Variants in USP4 observed in about 807,000 individuals in gnomAD.
USP4 encodes the protein ubiquitin carboxyl-terminal hydrolase 4.
Under a neutral mutation model 118.2 loss-of-function variants are expected in USP4, and 72 were observed. The observed-to-expected ratio is 0.61, with a 90% CI of 0.50 to 0.74. The LOEUF (loss-of-function observed/expected upper bound fraction) is 0.74. USP4 is among the 30% of genes least tolerant of loss of function. The pLI is 0.00. For missense variants in USP4, 1,037 were observed against 1,185.7 expected, an observed-to-expected ratio of 0.87 and a Z score of 1.84; for synonymous variants, 415 against 440.4, an observed-to-expected ratio of 0.94 and a Z score of 0.72.
intron 9 of USP4, among the ~76,000 whole-genome samples, chr3:49,303,244 C>T (rs1423291687): frequency 6.6e-6 from 1 of 151,918 alleles, no homozygotes; most frequent in South Asian, 2.1e-4. Context: ...AGTTCAAGAC[C>T]AGCCTGGCCA....
chr3:49,304,876 G>A (rs1346695935), intron 9 of USP4, among the ~76,000 whole-genome samples: 1 of 151,092 alleles, frequency 6.6e-6, no homozygotes, highest in East Asian at 2.0e-4. Context: ...CAATTCTCCT[G>A]CCTCAGCATC....
intron 1 of USP4, among the ~76,000 whole-genome samples, chr3:49,336,296 C>G (rs1575625264): frequency 6.7e-6 from 1 of 150,296 alleles, no homozygotes; most frequent in Non-Finnish European, 1.5e-5. Context: ...CTCAGCCTCC[C>G]AAGTAGCTGG....
chr3:49,287,895 A>C (rs2047113938), intron 15 of USP4, among the ~76,000 whole-genome samples: 1 of 152,212 alleles, frequency 6.6e-6, no homozygotes, highest in Non-Finnish European at 1.5e-5. Context: ...GCTAGGTTCC[A>C]GGGCTCCATA....
In USP4 at chr3:49,297,971, A is replaced by G. The variant is rs2047226713; in HGVS notation, c.1597-7T>C. ...ACACATCTGCGACCACCATCTAAGA[A>G]TGAACAGTAACAGAAAGACCACAGA... On this transcript the variant is annotated splice_polypyrimidine_tract_variant and splice_region_variant and intron_variant, in intron 12 of 21. Coordinates refer to ENST00000265560, the MANE Select transcript of USP4 (RefSeq NM_003363.4). The G allele has an allele frequency of 2.5e-6, 4 of 1,599,224 alleles. No individual in the cohort carries two copies. The highest frequency in any genetic ancestry group is 3.3e-4 in the Middle Eastern group (2 of 6,060).
chr3:49,334,590 C>G (rs916316103), intron 2 of USP4, among the ~76,000 whole-genome samples: 5 of 152,096 alleles, frequency 3.3e-5, no homozygotes, highest in Admixed American at 6.6e-5. Context: ...TACCAAAAAA[C>G]TTAAAAAACA....
intron 13 of USP4, among the ~76,000 whole-genome samples, chr3:49,296,965 G>A (rs1008943575): frequency 5.9e-5 from 9 of 152,236 alleles, no homozygotes; most frequent in African/African-American, 1.9e-4. Context: ...GTCTGTGCAA[G>A]TGAGAACAGA....
chr3:49,324,008 G>GT (rs922348294), intron 6 of USP4, among the ~76,000 whole-genome samples: 11 of 150,846 alleles, frequency 7.3e-5, no homozygotes, highest in South Asian at 6.3e-4. Flanking sequence ...TTTTGTTTTT[G>GT]TTTTTTTTGG....
chr3:49,333,550 G>A (rs988485102), intron 2 of USP4, among the ~76,000 whole-genome samples: 1 of 152,162 alleles, frequency 6.6e-6, no homozygotes, highest in African/African-American at 2.4e-5. Flanking sequence ...TTTAGAAGAC[G>A]TTGTTAGGGT....
chr3:49,314,423 G>A (rs1174073409), intron 6 of USP4, among the ~76,000 whole-genome samples: 1 of 152,192 alleles, frequency 6.6e-6, no homozygotes, highest in Non-Finnish European at 1.5e-5. Flanking sequence ...TCAAGCAGCT[G>A]CACTAAGTGA....
intron 6 of USP4, chr3:49,317,480 TA>T: frequency 3.9e-5 from 26 of 670,122 alleles, no homozygotes; most frequent in East Asian, 1.1e-4. Flanking sequence ...TGGGGCCCCC[TA>T]TTTTTTTTTT....
intron 17 of USP4, 48 bp downstream of exon 17, chr3:49,284,801 G>C (rs755513634): frequency 2.6e-6 from 4 of 1,559,266 alleles, no homozygotes; most frequent in Non-Finnish European, 3.5e-6. Context: ...TCCACATCCA[G>C]AGCAGAAACC....
intron 3 of USP4, among the ~76,000 whole-genome samples, chr3:49,326,339 T>A (rs11707940): frequency 0.17 from 25,597 of 151,734 alleles, 2,422 homozygotes; most frequent in Non-Finnish European, 0.2. Context: ...ATATATATAT[T>A]TTTTTTCTAC....
chr3:49,332,255 C>T (rs192442869), intron 2 of USP4, among the ~76,000 whole-genome samples: 3 of 151,936 alleles, frequency 2.0e-5, no homozygotes, highest in Admixed American at 6.6e-5. Context: ...TCAGCCTAGA[C>T]GACAGAGCGA....
intron 1 of USP4, among the ~76,000 whole-genome samples, chr3:49,337,929 C>G (rs1252849879): frequency 6.6e-6 from 1 of 151,150 alleles, no homozygotes; most frequent in African/African-American, 2.4e-5. Flanking sequence ...GCCTATAATC[C>G]CAGCTACTCG....
rs191812643 is a variant in USP4, at chr3:49,320,066, G to A, written c.695+4636C>T. ...CAAGAAGCTGGAACTGCAGGCACAA[G>A]CTACCATGCCCAGCTAATTTTTAAA... On this transcript the variant is annotated intron_variant, in intron 6 of 21. Transcript: ENST00000265560. Among the ~76,000 whole-genome samples, 635 of 152,202 alleles carry A rather than the reference G, an allele frequency of 4.2e-3. 7 individuals carry two copies. Among genetic ancestry groups the A allele is most frequent in the African/African-American group, 0.014 (567 of 41,538 alleles).
At chr3:49,333,875 C>T (rs1460566056) in intron 2 of USP4, among the ~76,000 whole-genome samples, 1 of 152,022 alleles carries the variant, frequency 6.6e-6, no homozygotes, top group Non-Finnish European at 1.5e-5. Context: ...CAAAATTAGC[C>T]GGGCGTGGTG....
At chr3:49,280,373 A>G (rs1420864191) in intron 20 of USP4, among the ~76,000 whole-genome samples, 3 of 151,596 alleles carry the variant, frequency 2.0e-5, no homozygotes, top group African/African-American at 7.3e-5. Context: ...CATCCTGGCT[A>G]ACATGGTGAA....
At chr3:49,291,672 G>T (rs924595721) in intron 15 of USP4, among the ~76,000 whole-genome samples, 4 of 151,756 alleles carry the variant, frequency 2.6e-5, no homozygotes, top group Non-Finnish European at 4.4e-5. Context: ...ACTGAGTCAC[G>T]TAAGTCCCAA....
intron 9 of USP4, 55 bp from the exon 10 acceptor site, chr3:49,302,597 CA>C (rs1322716137): frequency 3.2e-6 from 5 of 1,552,082 alleles, no homozygotes; most frequent in Non-Finnish European, 2.6e-6. Context: ...CTAGTTAAAT[CA>C]AAAAAGAATT....
Sources: allele counts gnomAD v4.1 joint callset (sites outside exome capture counted in the v4.1 genomes callset), GRCh38; gene constraint gnomAD v4.1.1; transcripts MANE v1.5; gene names NCBI Gene and HGNC (gene_info 2026-07-23, HGNC 2026-07-21).